Variants in MED12L observed in about 807,000 individuals in gnomAD.
MED12L encodes mediator complex subunit 12L, also known as mediator of RNA polymerase II transcription subunit 12-like protein.
A neutral mutation model predicts 281.3 loss-of-function variants in MED12L; 60 were observed. The observed-to-expected ratio is 0.21, with a 90% confidence interval of 0.17 to 0.26. MED12L has a LOEUF of 0.26. Among genes scored for constraint, MED12L ranks in the 10% least tolerant of loss-of-function variants. The pLI, the probability that MED12L is intolerant of heterozygous loss-of-function variation, is 1.00. For synonymous variants in MED12L, 974 were observed against 987.2 expected (o/e 0.99, Z 0.25); for missense variants, 2,146 against 2,680.9 (o/e 0.80, Z 4.41).
In MED12L at chr3:151,087,320, TGCTC is replaced by T. The variant is rs1719388354; in HGVS notation, c.99+300_99+303del. On this transcript the variant is annotated intron_variant, in intron 2 of 44. Transcript: ENST00000687756. ...TCGGGCTTCTTCCCTGCCGAAACCT[TGCTC>T]GCTCTCACCCGTTTCTGCCTGCTTT... 3.3e-5 allele frequency among the ~76,000 whole-genome samples: 5 copies of T among 152,360 alleles called. No homozygotes were observed. The South Asian group carries it at 1.0e-3, about 32-fold the overall frequency.
chr3:151,230,044 A>G (rs1259727291), intron 16 of MED12L, among the ~76,000 whole-genome samples: 1 of 151,798 alleles, frequency 6.6e-6, no homozygotes, highest in Non-Finnish European at 1.5e-5. Flanking sequence ...ATCTCAGCTC[A>G]CTGCAAGCTT....
At chr3:151,306,865 G>A (rs1746731916) in intron 16 of MED12L, among the ~76,000 whole-genome samples, 1 of 152,224 alleles carries the variant, frequency 6.6e-6, no homozygotes, top group South Asian at 2.1e-4. Context: ...GTGTTTGGTA[G>A]TGGTGGTTCT....
intron 16 of MED12L, among the ~76,000 whole-genome samples, chr3:151,263,141 A>T (rs1739216602): frequency 6.6e-6 from 1 of 152,146 alleles, no homozygotes; most frequent in Non-Finnish European, 1.5e-5. Flanking sequence ...GGGTGCAGAG[A>T]TGGATCAACA....
intron 7 of MED12L, among the ~76,000 whole-genome samples, 182 bp downstream of exon 7, chr3:151,158,981 G>A (rs1719645269): frequency 6.6e-6 from 1 of 152,208 alleles, no homozygotes; most frequent in Admixed American, 6.5e-5. Flanking sequence ...GCCATCATTT[G>A]TGTTAACCAT....
At chr3:151,389,822 G>C (rs1397462328) in intron 37 of MED12L, among the ~76,000 whole-genome samples, 157 bp from the exon 38 acceptor site, 1 of 152,160 alleles carries the variant, frequency 6.6e-6, no homozygotes, top group East Asian at 1.9e-4. Context: ...ATTTCCAGGG[G>C]ATTTATTAGC....
Position 151,115,327 on chromosome 3 carries a change from C to CTTTTT in MED12L, c.100-976_100-972dup, listed in dbSNP as rs66728754. Among the ~76,000 whole-genome samples, 12 of 60,806 alleles carry CTTTTT rather than the reference C, an allele frequency of 2.0e-4. 2 individuals carry two copies. The highest frequency in any genetic ancestry group is 6.6e-4 in the African/African-American group (11 of 16,706). 39.9% of individuals were successfully genotyped at this position (60,806 alleles called of 152,430 possible). A position where few individuals can be genotyped will look rare whatever the true frequency, so the allele number is the denominator to read the frequency against. ...AACTGTGGGCTCTCTGGAAACAATT[C>CTTTTT]TTTTTTTTTTTTTTTTTTTTTTTTT... On this transcript the variant is annotated intron_variant, in intron 2 of 44. Transcript: ENST00000687756.
intron 9 of MED12L, among the ~76,000 whole-genome samples, chr3:151,164,368 T>C (rs556806626): frequency 6.6e-6 from 1 of 152,306 alleles, no homozygotes; most frequent in Non-Finnish European, 1.5e-5. Context: ...ATGTTCTTAT[T>C]GGTACTGGGT....
chr3:151,108,927 A>G (rs909804111), intron 2 of MED12L, among the ~76,000 whole-genome samples: 5 of 152,228 alleles, frequency 3.3e-5, no homozygotes, highest in South Asian at 2.1e-4. Context: ...TCACTTTCCC[A>G]GTGAAACATT....
intron 40 of MED12L, 56 bp from the exon 41 acceptor site, chr3:151,411,222 G>T: frequency 6.7e-7 from 1 of 1,486,054 alleles, no homozygotes; most frequent in Non-Finnish European, 9.4e-7. Context: ...TCGTAGTGAT[G>T]GGAAAGCTAG....
intron 5 of MED12L, among the ~76,000 whole-genome samples, chr3:151,129,779 T>C (rs555251205): frequency 6.6e-6 from 1 of 152,142 alleles, no homozygotes; most frequent in South Asian, 2.1e-4. Context: ...TATTTATTTA[T>C]TTATTTTTAG....
At chr3:151,293,369 C>T (rs1220829438) in intron 16 of MED12L, among the ~76,000 whole-genome samples, 1 of 152,130 alleles carries the variant, frequency 6.6e-6, no homozygotes, top group African/African-American at 2.4e-5. Flanking sequence ...TCTGTTAATG[C>T]GTCTCCCACG....
intron 16 of MED12L, among the ~76,000 whole-genome samples, chr3:151,332,775 T>C (rs1219629098): frequency 4.6e-5 from 7 of 152,138 alleles, no homozygotes; most frequent in Non-Finnish European, 1.0e-4. Context: ...CAGGGGTACA[T>C]GTGCAGGTTT....
intron 21 of MED12L, 130 bp from the exon 22 acceptor site, chr3:151,364,849 G>T: frequency 1.5e-6 from 1 of 652,948 alleles, no homozygotes; most frequent in Non-Finnish European, 2.7e-6. Context: ...TTCTAATTAA[G>T]AACTCATAAT....
chr3:151,224,793 A>C (rs1411287743), intron 16 of MED12L, among the ~76,000 whole-genome samples: 2 of 151,806 alleles, frequency 1.3e-5, no homozygotes, highest in Non-Finnish European at 2.9e-5. Flanking sequence ...CTATTTCCTG[A>C]CCCTCTTTGC....
intron 16 of MED12L, among the ~76,000 whole-genome samples, chr3:151,239,664 G>A (rs1733677607): frequency 6.6e-6 from 1 of 152,064 alleles, no homozygotes; most frequent in African/African-American, 2.4e-5. Flanking sequence ...AGCTCTTTGA[G>A]GTCCTCAGTA....
intron 16 of MED12L, among the ~76,000 whole-genome samples, chr3:151,227,249 C>A (rs79130912): frequency 0.022 from 3,379 of 152,286 alleles, 118 homozygotes; most frequent in African/African-American, 0.077. Context: ...TCTTCTTAGG[C>A]TGAATTGCAG....
rs778652021 is a variant in MED12L at position 151,355,173 on chromosome 3, A to G, written c.2451A>G (p.Thr817=). The change falls in exon 18 of 45, where the codon ACA becomes ACG. Residue 817 remains threonine, a synonymous_variant. Transcript: ENST00000687756. The part of the protein sequence containing the change: ...ARKNKQETFP[T]LETVFTKLQL... ...AGAACAAACAGGAGACATTTCCAACACTGGAGACTGTGTTCACTAAACTCC... is the reference window on the plus strand; with the variant it reads ...AGAACAAACAGGAGACATTTCCAACGCTGGAGACTGTGTTCACTAAACTCC... 6.2e-7 allele frequency: 1 copy of G among 1,614,048 alleles called. No homozygotes were observed. Among genetic ancestry groups the G allele is most frequent in the South Asian group, 1.1e-5 (1 of 91,080 alleles).
chr3:151,179,764 T>G (rs1325733809), intron 11 of MED12L, among the ~76,000 whole-genome samples: 1 of 152,164 alleles, frequency 6.6e-6, no homozygotes, highest in Non-Finnish European at 1.5e-5. Context: ...ATGTCTTTAA[T>G]CAGACATTGA....
rs899634929 is a variant in MED12L at position 151,413,134 on chromosome 3, G to A, written c.6141-5G>A. On this transcript the variant is annotated splice_polypyrimidine_tract_variant and splice_region_variant and intron_variant, in intron 41 of 44. Coordinates refer to ENST00000687756, the MANE Select transcript of MED12L (RefSeq NM_001393769.1). ...CCTGAACCAAGTTGCATTATTCTTT[G>A]CCAGACTGAACCATCAGGCTCTACA... 2 of 1,609,748 alleles carry A rather than the reference G, an allele frequency of 1.2e-6. No individual in the cohort carries two copies. The highest frequency in any genetic ancestry group is 2.2e-5 in the South Asian group (2 of 90,942).
Sources: gnomAD v4.1 joint callset for allele counts (sites outside exome capture counted in the v4.1 genomes callset) on GRCh38, gnomAD v4.1.1 for gene constraint, MANE v1.5 for transcripts, NCBI Gene and HGNC (gene_info 2026-07-23, HGNC 2026-07-21) for gene names.